Variants in THAP2 observed in about 807,000 individuals in gnomAD.
The protein encoded by THAP2 is THAP domain containing 2, also known as THAP domain-containing protein 2.
THAP2 carries 16 observed loss-of-function variants against 18.8 expected under a neutral mutation model. The ratio of observed to expected loss-of-function variants is 0.85; its 90% CI spans 0.58 to 1.29. The LOEUF is 1.29. Ranked by LOEUF, THAP2 falls within the 50% of genes most tolerant of loss-of-function variation. The pLI, the probability that THAP2 is intolerant of heterozygous loss-of-function variation, is 0.00. For missense variants in THAP2, 251 were observed against 265.3 expected (o/e 0.95, Z 0.38); for synonymous variants, 80 against 89.2 (o/e 0.90, Z 0.58).
chr12:71,676,615 C>T, intron 2 of THAP2, 74 bp from the exon 3 acceptor site: 3 of 1,464,810 alleles, frequency 2.0e-6, no homozygotes, highest in East Asian at 2.3e-5. Flanking sequence ...TACTGTTATC[C>T]AAAACTGGAC....
chr12:71,665,192 A>T (rs1881312052), intron 1 of THAP2: 2 of 503,960 alleles, frequency 4.0e-6, no homozygotes, highest in Non-Finnish European at 3.5e-6. Flanking sequence ...GTCAAACCAG[A>T]ACTCTTGAAA....
intron 1 of THAP2, among the ~76,000 whole-genome samples, chr12:71,673,554 A>C (rs1369810509): frequency 6.6e-6 from 1 of 152,200 alleles, no homozygotes; most frequent in African/African-American, 2.4e-5. Flanking sequence ...GTTTACATAC[A>C]GTATATTATT....
At position 71,679,322 on chromosome 12, in the gene THAP2, GACA is replaced by G. The variant is rs1881566981; in HGVS notation, c.*2218_*2220del. ...TCCGTGATTTTCATTGTGCTGTCCT[GACA>G]ACATGCTCCAAACTCTTTGCATCAA... On this transcript the variant is annotated 3_prime_UTR_variant, in exon 3 of 3. Coordinates refer to ENST00000308086, the MANE Select transcript of THAP2 (RefSeq NM_031435.4). The G allele has an allele frequency of 6.6e-6, 1 of 152,054 alleles. No homozygotes were observed. The highest frequency in any genetic ancestry group is 6.6e-5 in the Admixed American group (1 of 15,260). 9.4% of individuals were successfully genotyped at this position (152,054 alleles called of 1,614,324 possible).
intron 1 of THAP2, among the ~76,000 whole-genome samples, chr12:71,669,750 G>T (rs1881401577): frequency 6.6e-6 from 1 of 152,010 alleles, no homozygotes; most frequent in Non-Finnish European, 1.5e-5. Context: ...GAGGTCAAGA[G>T]TTCAAGACCA....
At chr12:71,666,311 A>C (rs1051885436) in intron 1 of THAP2, among the ~76,000 whole-genome samples, 22 of 152,056 alleles carry the variant, frequency 1.4e-4, no homozygotes, top group Non-Finnish European at 2.8e-4. Flanking sequence ...GGAGTTTGAG[A>C]CCAGCCTAGG....
intron 1 of THAP2, among the ~76,000 whole-genome samples, chr12:71,670,289 G>T (rs1044916470): frequency 3.3e-5 from 5 of 152,232 alleles, no homozygotes; most frequent in Admixed American, 1.3e-4. Flanking sequence ...AATATTTAAA[G>T]GATAATGTAG....
intron 1 of THAP2, chr12:71,664,984 G>T: frequency 1.4e-6 from 1 of 702,170 alleles, no homozygotes; most frequent in South Asian, 1.5e-5. Flanking sequence ...TAGATGAATT[G>T]ACATGGGAGG....
rs1200034077 is a variant in THAP2 at position 71,679,912 on chromosome 12, T to TA, written c.*2808dup. 6.6e-6 allele frequency: 1 copy of TA among 152,178 alleles called. No homozygotes were observed. The highest frequency in any genetic ancestry group is 1.5e-5 in the Non-Finnish European group (1 of 68,010). 9.4% of individuals were successfully genotyped at this position (152,178 alleles called of 1,614,324 possible). A position where few individuals can be genotyped will look rare whatever the true frequency, so the allele number is the denominator to read the frequency against. On this transcript the variant is annotated 3_prime_UTR_variant, in exon 3 of 3. Transcript: ENST00000308086. The stretch of plus-strand genomic sequence containing the variant: ...GCTATAAGACAACATTTTTACCCTT[T>TA]AAAATGAACACTGAACAAATGTGTT...
In THAP2 at chr12:71,680,134, G is replaced by A. The variant is rs1053672061; in HGVS notation, c.*3026G>A. ...TTTTCCCTTACATTCTGTGTGGTAG[G>A]TGGTATTATCTCTGATTTACACATG... On this transcript the variant is annotated 3_prime_UTR_variant, in exon 3 of 3. Coordinates refer to ENST00000308086, the MANE Select transcript of THAP2 (RefSeq NM_031435.4). 1 of 152,128 alleles carries A rather than the reference G, an allele frequency of 6.6e-6. No individual in the cohort carries two copies. Among genetic ancestry groups the A allele is most frequent in the Non-Finnish European group, 1.5e-5 (1 of 67,996 alleles). 9.4% of individuals were successfully genotyped at this position (152,128 alleles called of 1,614,324 possible).
intron 1 of THAP2, among the ~76,000 whole-genome samples, chr12:71,668,106 T>C (rs1166367231): frequency 3.3e-5 from 5 of 152,176 alleles, no homozygotes; most frequent in African/African-American, 1.2e-4. Flanking sequence ...TTGGATAAGG[T>C]GGATAAGGTT....
intron 1 of THAP2, chr12:71,664,942 C>G: frequency 1.4e-6 from 1 of 702,310 alleles, no homozygotes; most frequent in South Asian, 1.5e-5. Context: ...TAAAAGCCTG[C>G]TGTGTTCCCG....
In THAP2 at chr12:71,678,493, C is replaced by G. The variant is rs765889695; in HGVS notation, c.*1385C>G. 1 of 152,422 alleles carries G rather than the reference C, an allele frequency of 6.6e-6. No homozygotes were observed. Among genetic ancestry groups the G allele is most frequent in the South Asian group, 2.1e-4 (1 of 4,822 alleles). The allele number at this position is 152,422 out of a possible 1,614,324, so 9.4% of individuals were successfully genotyped here. On this transcript the variant is annotated 3_prime_UTR_variant, in exon 3 of 3. Transcript: ENST00000308086. ...TATTTCACTAATGTTTAATAGGAACCCTTTGCTTCAAACAGCTTTGTTGAA... is the reference window on the plus strand; with the variant it reads ...TATTTCACTAATGTTTAATAGGAACGCTTTGCTTCAAACAGCTTTGTTGAA...
chr12:71,679,051 A>G lies in THAP2; in HGVS notation c.*1943A>G, dbSNP rs1881562854. ...ACAAATAATCATTTTAATAAAAACT[A>G]TTTTTTCCAAGTATAACCACTGTCA... On this transcript the variant is annotated 3_prime_UTR_variant, in exon 3 of 3. Coordinates refer to ENST00000308086, the MANE Select transcript of THAP2 (RefSeq NM_031435.4). 1 of 152,122 alleles carries G rather than the reference A, an allele frequency of 6.6e-6. No individual in the cohort carries two copies. Among genetic ancestry groups the G allele is most frequent in the Non-Finnish European group, 1.5e-5 (1 of 67,984 alleles). 9.4% of individuals were successfully genotyped at this position (152,122 alleles called of 1,614,324 possible). A position where few individuals can be genotyped will look rare whatever the true frequency, so the allele number is the denominator to read the frequency against.
At chr12:71,675,946 A>T (rs1332799511) in intron 2 of THAP2, among the ~76,000 whole-genome samples, 1 of 151,974 alleles carries the variant, frequency 6.6e-6, no homozygotes, top group Non-Finnish European at 1.5e-5. Context: ...CAGATATGAT[A>T]CGGGCCCAGT....
At chr12:71,665,389 CCCTA>C (rs137961472) in intron 1 of THAP2, 2,470 of 158,370 alleles carry the variant, frequency 0.016, 31 homozygotes, top group South Asian at 0.058. Context: ...TGACCTTTTT[CCCTA>C]CCTATTACGA....
rs1199979547 is a variant in THAP2 at position 71,679,188 on chromosome 12, T to C, written c.*2080T>C. 1 of 152,154 alleles carries C rather than the reference T, an allele frequency of 6.6e-6. No homozygotes were observed. The highest frequency in any genetic ancestry group is 1.5e-5 in the Non-Finnish European group (1 of 68,008). 9.4% of individuals were successfully genotyped at this position (152,154 alleles called of 1,614,324 possible). A position where few individuals can be genotyped will look rare whatever the true frequency, so the allele number is the denominator to read the frequency against. ...TTTTAAAAATCATAAAAATAAAATATTGTAAAATACAACAAATTTTGGACA... is the reference window on the plus strand; with the variant it reads ...TTTTAAAAATCATAAAAATAAAATACTGTAAAATACAACAAATTTTGGACA... On this transcript the variant is annotated 3_prime_UTR_variant, in exon 3 of 3. Coordinates refer to ENST00000308086, the MANE Select transcript of THAP2 (RefSeq NM_031435.4).
intron 1 of THAP2, chr12:71,667,984 A>G (rs929079397): frequency 6.6e-6 from 1 of 152,196 alleles, no homozygotes; most frequent in Non-Finnish European, 1.5e-5. Flanking sequence ...TTTAATTGCA[A>G]CTTTATATTA....
chr12:71,670,404 T>TCCTTAATA (rs1477123127), intron 1 of THAP2, among the ~76,000 whole-genome samples: 2 of 152,176 alleles, frequency 1.3e-5, no homozygotes, highest in African/African-American at 2.4e-5. Flanking sequence ...ATTTGTCTCT[T>TCCTTAATA]CCTTAATAGG....
Position 71,674,344 on chromosome 12 carries a change from T to G in THAP2, c.213T>G (p.Leu71=). The change falls in exon 2 of 3, where the codon CTT becomes CTG. Residue 71 remains leucine, a synonymous_variant. Transcript: ENST00000308086. ...CFDLTGQTRR[L]KMDAVPTIFD... is the part of the protein sequence containing the mutation. ...ACCTAACAGGACAAACTCGACGACT[T>G]AAAATGGATGCTGTTCCAACCATTT... is the stretch of plus-strand genomic sequence containing the variant. The G allele has an allele frequency of 6.2e-7, 1 of 1,613,284 alleles. No individual in the cohort carries two copies. The highest frequency in any genetic ancestry group is 1.3e-5 in the African/African-American group (1 of 75,018).
Sources: gnomAD v4.1 joint callset for allele counts (sites outside exome capture counted in the v4.1 genomes callset) on GRCh38, gnomAD v4.1.1 for gene constraint, MANE v1.5 for transcripts, NCBI Gene and HGNC (gene_info 2026-07-23, HGNC 2026-07-21) for gene names.